The following EYS variants were observed in gnomAD, a reference collection of about 807,000 sequenced individuals.
The protein encoded by EYS is EGF-like photoreceptor maintenance factor, also known as protein eyes shut homolog.
A neutral mutation model predicts 282.1 loss-of-function variants in EYS; 250 were observed. The observed-to-expected ratio is 0.89, with a 90% confidence interval of 0.80 to 0.98. The LOEUF (loss-of-function observed/expected upper bound fraction) is 0.98. Among genes scored for constraint, EYS ranks in the 50% least tolerant of loss-of-function variants. The pLI is 0.00. For missense variants in EYS, 4,016 were observed against 3,709.0 expected, an observed-to-expected ratio of 1.08 and a Z score of -2.15; for synonymous variants, 1,355 against 1,282.9, an observed-to-expected ratio of 1.06 and a Z score of -1.20.
intron 42 of EYS, among the ~76,000 whole-genome samples, chr6:63,724,703 T>C (rs919320852): frequency 6.6e-6 from 1 of 152,170 alleles, no homozygotes; most frequent in African/African-American, 2.4e-5. Context: ...CAAGTTATCA[T>C]TTTGTTTTAA....
rs559499953 is a variant in EYS at position 65,086,242 on chromosome 6, T to C, written c.2024-28515A>G. Among the ~76,000 whole-genome samples, 108 of 152,070 alleles carry C rather than the reference T, an allele frequency of 7.1e-4. 1 individual carries two copies. Among genetic ancestry groups the C allele is most frequent in the African/African-American group, 2.5e-3 (103 of 41,498 alleles). ...GAGGCAGGAGAATTGCTGGAACCCA[T>C]GAGGCTGTGGTTGTATTGAGCCGAG... On this transcript the variant is annotated intron_variant, in intron 12 of 42. Coordinates refer to ENST00000503581, the MANE Select transcript of EYS (RefSeq NM_001142800.2).
chr6:64,745,012 A>T (rs1772506708), intron 22 of EYS, among the ~76,000 whole-genome samples: 2 of 152,190 alleles, frequency 1.3e-5, no homozygotes. Flanking sequence ...CATAAGCAGC[A>T]TGAGGGGAAA....
intron 33 of EYS, among the ~76,000 whole-genome samples, chr6:64,022,361 C>T (rs1290562542): frequency 6.6e-6 from 1 of 152,136 alleles, no homozygotes; most frequent in Non-Finnish European, 1.5e-5. Flanking sequence ...AGAATCTATT[C>T]ATGGGAGATA....
intron 31 of EYS, among the ~76,000 whole-genome samples, chr6:64,125,092 A>C (rs934995264): frequency 1.3e-5 from 2 of 151,984 alleles, no homozygotes; most frequent in Admixed American, 1.3e-4. Flanking sequence ...CTGCACAAGC[A>C]GGATAGATCC....
intron 5 of EYS, 64 bp from the exon 6 acceptor site, chr6:65,405,431 G>A (rs1766695668): frequency 7.9e-7 from 1 of 1,271,340 alleles, no homozygotes; most frequent in African/African-American, 1.5e-5. Flanking sequence ...AATGAGCATA[G>A]ATATGTAGCA....
intron 8 of EYS, among the ~76,000 whole-genome samples, chr6:65,381,169 A>C (rs1255126729): frequency 6.6e-6 from 1 of 152,196 alleles, no homozygotes; most frequent in Non-Finnish European, 1.5e-5. Context: ...ATGCACACGT[A>C]TGTTTATTGC....
At chr6:65,006,007 C>T (rs924641056) in intron 13 of EYS, among the ~76,000 whole-genome samples, 5 of 152,162 alleles carry the variant, frequency 3.3e-5, no homozygotes, top group Admixed American at 2.6e-4. Flanking sequence ...TTTCTTCTAG[C>T]AAGTTGTATC....
chr6:64,752,330 T>C (rs920805039), intron 22 of EYS, among the ~76,000 whole-genome samples: 2 of 151,936 alleles, frequency 1.3e-5, no homozygotes, highest in African/African-American at 2.4e-5. Flanking sequence ...ACATAACTTT[T>C]AGAGGAAAAA....
chr6:64,194,993 C>CT (rs1339503547), intron 31 of EYS, among the ~76,000 whole-genome samples: 6 of 151,980 alleles, frequency 3.9e-5, no homozygotes, highest in African/African-American at 1.4e-4. Context: ...GCTTGCAACA[C>CT]TTTTTTTCCT....
At chr6:63,891,624 A>G (rs1275956936) in intron 35 of EYS, among the ~76,000 whole-genome samples, 1 of 151,346 alleles carries the variant, frequency 6.6e-6, no homozygotes, top group Non-Finnish European at 1.5e-5. Context: ...ACCCATGGCC[A>G]ATCATACTGA....
At chr6:64,198,555 T>G (rs2150320874) in intron 31 of EYS, among the ~76,000 whole-genome samples, 1 of 151,896 alleles carries the variant, frequency 6.6e-6, no homozygotes, top group Non-Finnish European at 1.5e-5. Flanking sequence ...CAACTCCCAC[T>G]TATGAGTGAG....
chr6:64,974,766 G>A (rs755969982), intron 14 of EYS, among the ~76,000 whole-genome samples: 5 of 151,726 alleles, frequency 3.3e-5, no homozygotes, highest in African/African-American at 4.8e-5. Context: ...TGTGTATACC[G>A]CACAGCACAA....
intron 12 of EYS, among the ~76,000 whole-genome samples, chr6:65,218,204 G>A (rs1165580026): frequency 1.3e-5 from 2 of 151,998 alleles, no homozygotes; most frequent in Non-Finnish European, 2.9e-5. Context: ...AGATAGTATG[G>A]GGGATAGTTA....
At chr6:65,308,038 T>A (rs1420230220) in intron 11 of EYS, among the ~76,000 whole-genome samples, 14 of 144,004 alleles carry the variant, frequency 9.7e-5, no homozygotes, top group Admixed American at 9.2e-4. Flanking sequence ...AGTGGTGTGA[T>A]CTCAGCTCAC....
intron 12 of EYS, among the ~76,000 whole-genome samples, chr6:65,226,945 A>C (rs1766641840): frequency 6.6e-6 from 1 of 152,148 alleles, no homozygotes; most frequent in Admixed American, 6.6e-5. Context: ...TATAAAAGCA[A>C]AATAAGTGGC....
chr6:65,638,240 T>C (rs1767158835), intron 2 of EYS, among the ~76,000 whole-genome samples: 1 of 152,154 alleles, frequency 6.6e-6, no homozygotes, highest in South Asian at 2.1e-4. Flanking sequence ...AGCGATCCAC[T>C]AGGGGTCTCC....
chr6:63,852,114 G>A (rs2348399), intron 36 of EYS, among the ~76,000 whole-genome samples: 49,155 of 127,478 alleles, frequency 0.39, 8,664 homozygotes, highest in Middle Eastern at 0.56. Context: ...CCGAGATCCC[G>A]CCACTGCACT....
At chr6:65,409,125 C>T (rs1314196035) in intron 5 of EYS, among the ~76,000 whole-genome samples, 4 of 152,060 alleles carry the variant, frequency 2.6e-5, no homozygotes, top group African/African-American at 7.2e-5. Context: ...TCTTGCCATG[C>T]CTATTTGTCA....
chr6:64,251,812 CACAG>C (rs1767227929), intron 30 of EYS, among the ~76,000 whole-genome samples: 2 of 151,994 alleles, frequency 1.3e-5, no homozygotes, highest in Non-Finnish European at 2.9e-5. Flanking sequence ...TAATGAGACC[CACAG>C]ACAAAGTAAG....
Sources: allele counts gnomAD v4.1 joint callset (sites outside exome capture counted in the v4.1 genomes callset), GRCh38; gene constraint gnomAD v4.1.1; transcripts MANE v1.5; gene names NCBI Gene and HGNC (gene_info 2026-07-23, HGNC 2026-07-21).